The following ZNF492 variants were observed in gnomAD, a reference collection of about 807,000 sequenced individuals.
ZNF492 encodes the protein zinc finger protein 492, also known as zinc finger protein 115 (Y20).
Under a neutral mutation model 6.4 loss-of-function variants are expected in ZNF492, and 3 were observed. The observed-to-expected ratio is 0.47, with a 90% CI of 0.21 to 1.22. The LOEUF is 1.22. Ranked by LOEUF, ZNF492 falls within the 50% of genes most tolerant of loss-of-function variation. The pLI is 0.22. For missense variants in ZNF492, 356 were observed against 612.5 expected, an observed-to-expected ratio of 0.58 and a Z score of 4.42; for synonymous variants, 112 against 205.3, an observed-to-expected ratio of 0.55 and a Z score of 3.89.
intron 1 of ZNF492, among the ~76,000 whole-genome samples, chr19:22,642,234 A>C (rs1470997432): frequency 6.6e-6 from 1 of 152,144 alleles, no homozygotes; most frequent in Non-Finnish European, 1.5e-5. Context: ...TGTAAATTAA[A>C]AATAAGAGGC....
intron 3 of ZNF492, 140 bp downstream of exon 3, chr19:22,654,155 T>G: frequency 9.4e-7 from 1 of 1,063,436 alleles, no homozygotes; most frequent in African/African-American, 1.7e-5. Flanking sequence ...ATTTTTTAAA[T>G]TTTGCTTTCA....
At chr19:22,663,034 C>T (rs77263590) in intron 3 of ZNF492, among the ~76,000 whole-genome samples, 11,578 of 151,856 alleles carry the variant, frequency 0.076, 502 homozygotes, top group South Asian at 0.11. Flanking sequence ...AATGGTATTG[C>T]CTAGGTTTTC....
chr19:22,658,047 C>T (rs1316510859), intron 3 of ZNF492, among the ~76,000 whole-genome samples: 2 of 152,006 alleles, frequency 1.3e-5, no homozygotes, highest in African/African-American at 4.8e-5. Context: ...ATTTATAATT[C>T]TGGATCTTCT....
At chr19:22,641,254 C>G (rs1239315011) in intron 1 of ZNF492, among the ~76,000 whole-genome samples, 1 of 152,078 alleles carries the variant, frequency 6.6e-6, no homozygotes, top group Non-Finnish European at 1.5e-5. Flanking sequence ...ATTTTTTTCT[C>G]CTAACACTGC....
chr19:22,647,607 A>ATT (rs71180574), intron 1 of ZNF492, among the ~76,000 whole-genome samples: 38 of 147,590 alleles, frequency 2.6e-4, no homozygotes, highest in African/African-American at 6.1e-4. Flanking sequence ...GGATTCATTG[A>ATT]TTTTTTTTTG....
chr19:22,635,598 C>T (rs1319729717), intron 1 of ZNF492, among the ~76,000 whole-genome samples: 2 of 152,146 alleles, frequency 1.3e-5, no homozygotes, highest in Admixed American at 6.5e-5. Flanking sequence ...TTTTGTCTTC[C>T]CTAGGCATAA....
At chr19:22,640,381 C>T (rs1247262227) in intron 1 of ZNF492, among the ~76,000 whole-genome samples, 2 of 152,256 alleles carry the variant, frequency 1.3e-5, no homozygotes, top group Middle Eastern at 3.4e-3. Flanking sequence ...AGGCTGGTCT[C>T]GAACTCCTGA....
At chr19:22,644,347 G>A (rs760746994) in intron 1 of ZNF492, among the ~76,000 whole-genome samples, 3 of 152,042 alleles carry the variant, frequency 2.0e-5, no homozygotes, top group Non-Finnish European at 4.4e-5. Flanking sequence ...TTTGCTGCAC[G>A]TATTGACCCA....
At chr19:22,662,777 G>T (rs1483224289) in intron 3 of ZNF492, among the ~76,000 whole-genome samples, 1 of 150,756 alleles carries the variant, frequency 6.6e-6, no homozygotes, top group Non-Finnish European at 1.5e-5. Flanking sequence ...TTTTTGATGG[G>T]GTTGTTAGTT....
At chr19:22,662,412 AT>A (rs1972068411) in intron 3 of ZNF492, among the ~76,000 whole-genome samples, 1 of 152,200 alleles carries the variant, frequency 6.6e-6, no homozygotes, top group South Asian at 2.1e-4. Context: ...ATGTGTCCTT[AT>A]AGTAGCATGA....
intron 1 of ZNF492, among the ~76,000 whole-genome samples, chr19:22,640,257 G>C (rs1971813192): frequency 2.6e-5 from 4 of 151,992 alleles, no homozygotes; most frequent in Middle Eastern, 6.8e-3. Context: ...CTGCCTCCCG[G>C]GTTCAAGCAA....
Position 22,664,071 on chromosome 19 carries a change from A to G in ZNF492, c.402A>G (p.Arg134=), listed in dbSNP as rs1972089878. 1.9e-6 allele frequency: 3 copies of G among 1,603,110 alleles called. No individual in the cohort carries two copies. Among genetic ancestry groups the G allele is most frequent in the Non-Finnish European group, 2.6e-6 (3 of 1,174,340 alleles). Residue 134 remains arginine, a synonymous_variant, in exon 4 of 4, where the codon AGA becomes AGG. Transcript: ENST00000456783. ...KFSNSNRHTI[R]HTGKKSFKCK... is the part of the protein sequence containing the mutation. Reference sequence around the variant, plus strand: ...CAAATTCAAACAGACATACGATAAGACATACTGGAAAGAAATCTTTCAAAT... The same window carrying G: ...CAAATTCAAACAGACATACGATAAGGCATACTGGAAAGAAATCTTTCAAAT...
chr19:22,657,998 G>A (rs2145258450), intron 3 of ZNF492, among the ~76,000 whole-genome samples: 2 of 152,120 alleles, frequency 1.3e-5, no homozygotes, highest in Middle Eastern at 6.9e-3. Flanking sequence ...CTATGTGTGA[G>A]GGAAACACTT....
chr19:22,644,807 G>A (rs1971861236), intron 1 of ZNF492, among the ~76,000 whole-genome samples: 1 of 152,174 alleles, frequency 6.6e-6, no homozygotes, highest in Admixed American at 6.5e-5. Flanking sequence ...TCACCACACT[G>A]TCTTCGACGA....
intron 1 of ZNF492, among the ~76,000 whole-genome samples, chr19:22,644,988 GCTT>G (rs1971863289): frequency 6.6e-6 from 1 of 151,978 alleles, no homozygotes; most frequent in African/African-American, 2.4e-5. Flanking sequence ...GTGATGTTGA[GCTT>G]CTTTTCATGT....
chr19:22,640,552 G>C (rs1971816453), intron 1 of ZNF492, among the ~76,000 whole-genome samples: 1 of 152,156 alleles, frequency 6.6e-6, no homozygotes, highest in African/African-American at 2.4e-5. Context: ...AATTTGGTTT[G>C]CCAATATTTT....
intron 3 of ZNF492, among the ~76,000 whole-genome samples, chr19:22,660,343 CT>C (rs1203502545): frequency 3.3e-5 from 5 of 150,886 alleles, no homozygotes. Context: ...CATTTTCTCT[CT>C]TTGTGTCTTT....
intron 1 of ZNF492, among the ~76,000 whole-genome samples, chr19:22,652,001 CT>C (rs1201783685): frequency 2.6e-5 from 4 of 152,104 alleles, no homozygotes; most frequent in Non-Finnish European, 5.9e-5. Context: ...CTATAATTTA[CT>C]TTTGGCTGGG....
chr19:22,654,385 A>T (rs1292895333), intron 3 of ZNF492, among the ~76,000 whole-genome samples: 1 of 152,082 alleles, frequency 6.6e-6, no homozygotes, highest in Non-Finnish European at 1.5e-5. Flanking sequence ...CTGTTTTTAC[A>T]TTATGTCCTA....
Sources: allele counts gnomAD v4.1 joint callset (sites outside exome capture counted in the v4.1 genomes callset), GRCh38; gene constraint gnomAD v4.1.1; transcripts MANE v1.5; gene names NCBI Gene and HGNC (gene_info 2026-07-23, HGNC 2026-07-21).